SLC37A1: variants seen among roughly 807,000 people sequenced by gnomAD.
SLC37A1 encodes glucose-6-phosphate exchanger SLC37A1.
In SLC37A1, 49 loss-of-function variants were observed where a neutral mutation model predicts 75.3. The observed-to-expected ratio is 0.65, with a 90% CI of 0.52 to 0.83. The LOEUF (loss-of-function observed/expected upper bound fraction) is 0.83, where lower values mean the gene tolerates loss of function less well. Ranked by LOEUF, SLC37A1 falls within the 40% of genes least tolerant of loss-of-function variation. The pLI is 0.00. For missense variants in SLC37A1, 566 were observed against 695.0 expected (o/e 0.81, Z 2.09); for synonymous variants, 268 against 292.1 (o/e 0.92, Z 0.84).
chr21:42,567,248 C>T (rs1372558477), intron 16 of SLC37A1, among the ~76,000 whole-genome samples, 190 bp downstream of exon 16: 1 of 152,250 alleles, frequency 6.6e-6, no homozygotes, highest in Non-Finnish European at 1.5e-5. Context: ...AAATCATGGG[C>T]AGGTTGGTGC....
chr21:42,514,507 C>T lies in SLC37A1; in HGVS notation c.-389C>T, dbSNP rs1368163943. 6.6e-6 allele frequency: 1 copy of T among 152,254 alleles called. No homozygotes were observed. Among genetic ancestry groups the T allele is most frequent in the Non-Finnish European group, 1.5e-5 (1 of 68,062 alleles). The allele number at this position is 152,254 out of a possible 1,614,324, so 9.4% of individuals were successfully genotyped here. A position where few individuals can be genotyped will look rare whatever the true frequency, so the allele number is the denominator to read the frequency against. On this transcript the variant is annotated 5_prime_UTR_variant, in exon 1 of 20. In the 5' UTR this introduces an upstream ATG that the reference lacks. Coordinates refer to ENST00000352133, the MANE Select transcript of SLC37A1 (RefSeq NM_001320537.2). This position sits in a 1 kb window ranked among gnomAD's most constrained non-coding sequence, Gnocchi z 4.8. ...CGCCCAGGGAGGAGCCGGCACAGAACGCTGGCTCGGAGCGCCGGCACCCTG... is the reference window on the plus strand; with the variant it reads ...CGCCCAGGGAGGAGCCGGCACAGAATGCTGGCTCGGAGCGCCGGCACCCTG...
chr21:42,523,427 C>T (rs2054701504), intron 2 of SLC37A1, among the ~76,000 whole-genome samples: 1 of 152,216 alleles, frequency 6.6e-6, no homozygotes, highest in Non-Finnish European at 1.5e-5. Flanking sequence ...CATTGAGGGC[C>T]GGTGAAGCCC....
rs1210984073 is a variant in SLC37A1 at position 42,580,478 on chromosome 21, C to T, written c.*118C>T. The T allele has an allele frequency of 2.4e-5, 28 of 1,147,250 alleles. No individual in the cohort carries two copies. Among genetic ancestry groups the T allele is most frequent in the Non-Finnish European group, 3.3e-5 (27 of 811,910 alleles). The allele number at this position is 1,147,250 out of a possible 1,614,324, so 71.1% of individuals were successfully genotyped here. On this transcript the variant is annotated 3_prime_UTR_variant, in exon 20 of 20. Coordinates refer to ENST00000352133, the MANE Select transcript of SLC37A1 (RefSeq NM_001320537.2). ...GTGACCTCCCTTTGCCTTTTGCACA[C>T]GCACCTGGAAAAGACACAGAAGCCA...
At chr21:42,579,062 A>T (rs2056364011) in intron 18 of SLC37A1, among the ~76,000 whole-genome samples, 1 of 152,234 alleles carries the variant, frequency 6.6e-6, no homozygotes, top group Non-Finnish European at 1.5e-5. Context: ...GCACTAGTTA[A>T]ATTGGAGGTA....
chr21:42,502,753 G>A (rs542596222), intron 2 of SLC37A1: 1 of 152,050 alleles, frequency 6.6e-6, no homozygotes, highest in Non-Finnish European at 1.5e-5. Context: ...CTCTCTGGTT[G>A]TGCTTCTGAC....
chr21:42,558,860 G>A (rs1367990580), intron 10 of SLC37A1, 98 bp from the exon 11 acceptor site: 11 of 1,515,160 alleles, frequency 7.3e-6, no homozygotes, highest in Admixed American at 1.9e-5. Flanking sequence ...AGAGAGAGCC[G>A]CCAGGCACCC....
At chr21:42,574,242 AC>A (rs1413798816) in intron 17 of SLC37A1, among the ~76,000 whole-genome samples, 1 of 152,218 alleles carries the variant, frequency 6.6e-6, no homozygotes, top group African/African-American at 2.4e-5. Flanking sequence ...TTCAAATTTT[AC>A]CCAGTTACAT....
chr21:42,533,888 T>C (rs998946369), intron 3 of SLC37A1, among the ~76,000 whole-genome samples: 1 of 152,182 alleles, frequency 6.6e-6, no homozygotes, highest in African/African-American at 2.4e-5. Flanking sequence ...GACAAGTGTC[T>C]CCAACCCTGG....
chr21:42,524,811 A>T (rs976282287), intron 2 of SLC37A1, among the ~76,000 whole-genome samples: 1 of 152,234 alleles, frequency 6.6e-6, no homozygotes, highest in Admixed American at 6.5e-5. Flanking sequence ...GGTTCTGGGC[A>T]CACAGCTCCT....
At chr21:42,569,562 C>T (rs549590465) in intron 17 of SLC37A1, among the ~76,000 whole-genome samples, 4 of 143,000 alleles carry the variant, frequency 2.8e-5, no homozygotes, top group Admixed American at 6.9e-5. Context: ...CGCACTCCCT[C>T]GTGCCTTGAG....
At chr21:42,553,319 A>G (rs764760762) in intron 9 of SLC37A1, among the ~76,000 whole-genome samples, 1 of 152,254 alleles carries the variant, frequency 6.6e-6, no homozygotes, top group Non-Finnish European at 1.5e-5. Flanking sequence ...CTTTCTAAGT[A>G]CAGACTGATT....
At chr21:42,554,958 T>TTTTG (rs1317220894) in intron 10 of SLC37A1, among the ~76,000 whole-genome samples, 4 of 150,358 alleles carry the variant, frequency 2.7e-5, no homozygotes, top group Non-Finnish European at 5.9e-5. Context: ...TAGATCAGGT[T>TTTTG]TTTGTTTGTT....
intron 1 of SLC37A1, among the ~76,000 whole-genome samples, chr21:42,516,812 T>C (rs2054530111): frequency 6.6e-6 from 1 of 152,180 alleles, no homozygotes; most frequent in Admixed American, 6.5e-5. Flanking sequence ...AAGCAGCACT[T>C]GAGAGGAAGA....
intron 3 of SLC37A1, among the ~76,000 whole-genome samples, chr21:42,531,259 G>A (rs1408960932): frequency 6.6e-6 from 1 of 152,224 alleles, no homozygotes; most frequent in East Asian, 1.9e-4. Context: ...ACTCCTGGCG[G>A]TTTTCTGTGT....
intron 17 of SLC37A1, among the ~76,000 whole-genome samples, chr21:42,571,080 G>A (rs910890489): frequency 3.9e-5 from 6 of 152,338 alleles, no homozygotes; most frequent in South Asian, 2.1e-4. Flanking sequence ...CCATGGAAAC[G>A]GCGCTCAGGC....
intron 16 of SLC37A1, among the ~76,000 whole-genome samples, chr21:42,568,063 G>A (rs1012291723): frequency 3.5e-4 from 54 of 152,272 alleles, no homozygotes; most frequent in African/African-American, 1.2e-3. Flanking sequence ...CGCCTCTCAC[G>A]CTGGCTGCTC....
At chr21:42,546,346 A>G (rs901388942) in intron 8 of SLC37A1, among the ~76,000 whole-genome samples, 15 of 152,186 alleles carry the variant, frequency 9.9e-5, no homozygotes, top group Non-Finnish European at 1.9e-4. Context: ...TGTTTGTTCC[A>G]TATCAAGATA....
chr21:42,516,359 G>A (rs2054521625), intron 1 of SLC37A1, among the ~76,000 whole-genome samples: 1 of 152,172 alleles, frequency 6.6e-6, no homozygotes, highest in South Asian at 2.1e-4. Flanking sequence ...GAGCCGCCTA[G>A]CCTCATTTTT....
chr21:42,580,117 C>A (rs543277070), intron 19 of SLC37A1, among the ~76,000 whole-genome samples: 1 of 151,974 alleles, frequency 6.6e-6, no homozygotes, highest in Non-Finnish European at 1.5e-5. Context: ...TTCCCTCCCC[C>A]CTTGGTCCTC....
Sources: gnomAD v4.1 joint callset for allele counts (sites outside exome capture counted in the v4.1 genomes callset) on GRCh38, gnomAD v4.1.1 for gene constraint, Gnocchi (gnomAD v3.1) non-coding constraint, MANE v1.5 for transcripts, NCBI Gene and HGNC (gene_info 2026-07-23, HGNC 2026-07-21) for gene names.